The following ARHGAP39 variants were observed in gnomAD, a reference collection of about 807,000 sequenced individuals.
ARHGAP39 encodes Rho GTPase activating protein 39.
In ARHGAP39, 44 loss-of-function variants were observed where a neutral mutation model predicts 106.9. The observed-to-expected ratio is 0.41, with a 90% CI of 0.32 to 0.53. ARHGAP39 has a LOEUF of 0.53. Ranked by LOEUF, ARHGAP39 falls within the 20% of genes least tolerant of loss-of-function variation. ARHGAP39 has a pLI of 0.21. For missense variants in ARHGAP39, 1,496 were observed against 1,577.3 expected, an observed-to-expected ratio of 0.95 and a Z score of 0.87; for synonymous variants, 768 against 693.2, an observed-to-expected ratio of 1.11 and a Z score of -1.69.
Position 144,548,527 on chromosome 8 carries a change from C to T in ARHGAP39, c.597-38G>A. 6.3e-7 allele frequency: 1 copy of T among 1,588,454 alleles called. No homozygotes were observed. The highest frequency in any genetic ancestry group is 8.5e-7 in the Non-Finnish European group (1 of 1,170,614). On this transcript the variant is annotated intron_variant, in intron 4 of 11. Coordinates refer to ENST00000377307, the MANE Select transcript of ARHGAP39 (RefSeq NM_025251.3). This position sits in a 1 kb window ranked among gnomAD's most constrained non-coding sequence, Gnocchi z 7.4. ...TGGACGGGCACAGGTGACTGCCTGC[C>T]TGCTGCTTCTGGGCACGCCCCACCC...
At chr8:144,610,707 G>A (rs556050884) in intron 1 of ARHGAP39, among the ~76,000 whole-genome samples, 16 of 147,256 alleles carry the variant, frequency 1.1e-4, no homozygotes, top group Admixed American at 8.7e-4. Context: ...GAGAGACTCC[G>A]TCTCAAAAAA....
chr8:144,665,719 G>C (rs1016731745), intron 1 of ARHGAP39, among the ~76,000 whole-genome samples: 1 of 152,228 alleles, frequency 6.6e-6, no homozygotes, highest in Admixed American at 6.5e-5. Flanking sequence ...ATTGAGGTTT[G>C]GGAACCTCCA....
At chr8:144,623,631 G>A (rs945681585) in intron 1 of ARHGAP39, among the ~76,000 whole-genome samples, 4 of 152,232 alleles carry the variant, frequency 2.6e-5, no homozygotes, top group African/African-American at 9.6e-5. Context: ...CGACAGAGGA[G>A]ATGGTACAAG....
At chr8:144,650,294 G>A (rs1821542864) in intron 1 of ARHGAP39, among the ~76,000 whole-genome samples, 1 of 152,068 alleles carries the variant, frequency 6.6e-6, no homozygotes, top group Non-Finnish European at 1.5e-5. Context: ...AGGACCTGAT[G>A]GATTCACAGC....
chr8:144,670,910 T>C lies in ARHGAP39; in HGVS notation c.-82+14776A>G, dbSNP rs1822085334. 6.6e-6 allele frequency among the ~76,000 whole-genome samples: 1 copy of C among 152,140 alleles called. No individual in the cohort carries two copies. Among genetic ancestry groups the C allele is most frequent in the African/African-American group, 2.4e-5 (1 of 41,420 alleles). On this transcript the variant is annotated intron_variant, in intron 1 of 11. Coordinates refer to ENST00000377307, the MANE Select transcript of ARHGAP39 (RefSeq NM_025251.3). The surrounding 1 kb of genome is among the most constrained non-coding windows in gnomAD (Gnocchi z 4.4). ...GACCGGCACTCAGTTATCCATGGAA[T>C]GGATGACCAGAAAGGCACGACCACC...
intron 1 of ARHGAP39, among the ~76,000 whole-genome samples, chr8:144,615,814 G>A (rs540173160): frequency 3.5e-4 from 54 of 152,364 alleles, no homozygotes; most frequent in African/African-American, 1.3e-3. Context: ...CCAGTGCCTG[G>A]GCCAGGCTGG....
chr8:144,679,959 G>A lies in ARHGAP39; in HGVS notation c.-82+5727C>T, dbSNP rs1006485088. ...CGCGCCGCCGCACTCCAGCCTGGAC[G>A]ACAGAGCAAGACTCCATCTCAAAAA... On this transcript the variant is annotated intron_variant, in intron 1 of 11. Coordinates refer to ENST00000377307, the MANE Select transcript of ARHGAP39 (RefSeq NM_025251.3). The surrounding 1 kb of genome is among the most constrained non-coding windows in gnomAD (Gnocchi z 4.7). 3.3e-5 allele frequency among the ~76,000 whole-genome samples: 5 copies of A among 152,124 alleles called. No individual in the cohort carries two copies. Among genetic ancestry groups the A allele is most frequent in the Non-Finnish European group, 5.9e-5 (4 of 68,022 alleles).
intron 1 of ARHGAP39, among the ~76,000 whole-genome samples, chr8:144,675,812 A>G (rs927386511): frequency 6.6e-6 from 1 of 151,722 alleles, no homozygotes; most frequent in African/African-American, 2.4e-5. Context: ...CTTCGTGGTT[A>G]GTATTACAGT....
chr8:144,678,667 C>T (rs1273921551), intron 1 of ARHGAP39, among the ~76,000 whole-genome samples: 2 of 152,208 alleles, frequency 1.3e-5, no homozygotes, highest in Non-Finnish European at 2.9e-5. Flanking sequence ...CTGAGCCTGG[C>T]GCCATCCTGT....
At chr8:144,607,052 T>C (rs575369094) in intron 1 of ARHGAP39, among the ~76,000 whole-genome samples, 2 of 140,030 alleles carry the variant, frequency 1.4e-5, no homozygotes, top group South Asian at 4.5e-4. Context: ...ACAGAGAACA[T>C]GTGTAATGTG....
chr8:144,620,169 T>C (rs1212211317), intron 1 of ARHGAP39, among the ~76,000 whole-genome samples: 4 of 102,926 alleles, frequency 3.9e-5, no homozygotes, highest in African/African-American at 3.8e-5. Context: ...CCATGTGAGC[T>C]TGTGTGTCCC....
intron 2 of ARHGAP39, among the ~76,000 whole-genome samples, chr8:144,589,927 G>C (rs143890666): frequency 6.6e-6 from 1 of 152,246 alleles, no homozygotes; most frequent in East Asian, 1.9e-4. Flanking sequence ...AGATGCGTGG[G>C]AGCCCCGCCC....
chr8:144,651,170 A>C (rs1386372231), intron 1 of ARHGAP39, among the ~76,000 whole-genome samples: 1 of 152,196 alleles, frequency 6.6e-6, no homozygotes, highest in African/African-American at 2.4e-5. Flanking sequence ...CACAAAAAGA[A>C]TAAAATACCT....
chr8:144,562,408 T>TCCAGTGGTTTCCATCGGACC (rs1586909018), intron 3 of ARHGAP39, among the ~76,000 whole-genome samples: 2 of 150,442 alleles, frequency 1.3e-5, no homozygotes, highest in African/African-American at 2.5e-5. Flanking sequence ...TCCATCGCGC[T>TCCAGTGGTTTCCATCGGACC]CCAGTGGTTT....
intron 1 of ARHGAP39, among the ~76,000 whole-genome samples, chr8:144,633,462 AAAAG>A (rs1371264523): frequency 6.6e-6 from 1 of 152,240 alleles, no homozygotes. Context: ...CGTCTCAAAA[AAAAG>A]AAGAAAAAGA....
At chr8:144,544,595 C>T (rs1269662577) in intron 6 of ARHGAP39, among the ~76,000 whole-genome samples, 1 of 152,234 alleles carries the variant, frequency 6.6e-6, no homozygotes, top group East Asian at 1.9e-4. Flanking sequence ...GGCTGTCTGG[C>T]GGATGGCACC....
chr8:144,654,397 C>A (rs1218860991), intron 1 of ARHGAP39, among the ~76,000 whole-genome samples: 1 of 151,612 alleles, frequency 6.6e-6, no homozygotes, highest in African/African-American at 2.4e-5. Flanking sequence ...CCCAGTTACT[C>A]GGGAGCTGAG....
intron 4 of ARHGAP39, among the ~76,000 whole-genome samples, chr8:144,549,790 G>T (rs993205618): frequency 6.6e-6 from 1 of 152,134 alleles, no homozygotes; most frequent in Non-Finnish European, 1.5e-5. Context: ...ACCGCGCCCA[G>T]CCCCACGTGG....
At chr8:144,620,625 C>G in intron 1 of ARHGAP39, among the ~76,000 whole-genome samples, 1 of 150,648 alleles carries the variant, frequency 6.6e-6, no homozygotes, top group Non-Finnish European at 1.5e-5. Flanking sequence ...GAGTGCATGC[C>G]CACTGCTCAA....
Sources: gnomAD v4.1 joint callset for allele counts (sites outside exome capture counted in the v4.1 genomes callset) on GRCh38, gnomAD v4.1.1 for gene constraint, Gnocchi (gnomAD v3.1) non-coding constraint, MANE v1.5 for transcripts, NCBI Gene and HGNC (gene_info 2026-07-23, HGNC 2026-07-21) for gene names.